TRAPPC8: variants seen among roughly 807,000 people sequenced by gnomAD.
TRAPPC8 encodes general sporulation gene 1 homolog.
In TRAPPC8, 54 loss-of-function variants were observed where a neutral mutation model predicts 174.3. The observed-to-expected ratio is 0.31, with a 90% CI of 0.25 to 0.39. The LOEUF is 0.39. TRAPPC8 is among the 10% of genes least tolerant of loss of function. TRAPPC8 has a pLI of 1.00. For synonymous variants in TRAPPC8, 630 were observed against 579.9 expected (o/e 1.09, Z -1.24); for missense variants, 1,531 against 1,699.1 (o/e 0.90, Z 1.74).
At chr18:31,867,286 A>C (rs956143184) in intron 17 of TRAPPC8, 116 bp downstream of exon 17, 5 of 844,052 alleles carry the variant, frequency 5.9e-6, no homozygotes, top group Non-Finnish European at 9.4e-6. Flanking sequence ...TAATCTTCCA[A>C]ATTTTAGTTC....
chr18:31,878,221 T>C (rs1417042415), intron 12 of TRAPPC8, among the ~76,000 whole-genome samples: 1 of 152,142 alleles, frequency 6.6e-6, no homozygotes, highest in Non-Finnish European at 1.5e-5. Flanking sequence ...GATGAGCAAC[T>C]GGTGCACCCC....
At position 31,852,610 on chromosome 18, in the gene TRAPPC8, A is replaced by G. The variant is rs1286990171; in HGVS notation, c.3487T>C (p.Cys1163Arg). Residue 1163 changes from cysteine (C) to arginine (R), a missense_variant, in exon 23 of 29, where the codon TGT becomes CGT. Physicochemically the swap from Cys to Arg is radical, Grantham distance 180. Coordinates refer to ENST00000283351, the MANE Select transcript of TRAPPC8 (RefSeq NM_014939.5). ...KGKFCFKAIR[C>R]EKEEAATQSS... Reference sequence around the variant, plus strand: ...GTGAATTTACCTTCTTCTTTCTCACATCTTATTGCCTTAAAGCAAAACTTT... The same window carrying G: ...GTGAATTTACCTTCTTCTTTCTCACGTCTTATTGCCTTAAAGCAAAACTTT... 1 of 1,614,112 alleles carries G rather than the reference A, an allele frequency of 6.2e-7. No individual in the cohort carries two copies. Among genetic ancestry groups the G allele is most frequent in the South Asian group, 1.1e-5 (1 of 91,076 alleles).
At position 31,909,714 on chromosome 18, in the gene TRAPPC8, G is replaced by T. The variant is rs758821997; in HGVS notation, c.818C>A (p.Ser273Tyr). 1.9e-6 allele frequency: 3 copies of T among 1,600,820 alleles called. No individual in the cohort carries two copies. In the Admixed American group the frequency reaches 5.3e-5, roughly 28 times the overall value. ...ATCCAATGAAAGCAAGTTATTATCA[G>T]AATTCTTATTTGAAGTTATAGTACA... The part of the protein sequence containing the change: ...GPCTITSNKN[S>Y]DNNLLSLDGL... Residue 273 changes from serine to tyrosine, a missense_variant, in exon 6 of 29, where the codon TCT becomes TAT. By Grantham distance (144) the Ser-to-Tyr change is moderately radical. Transcript: ENST00000283351.
At chr18:31,925,882 T>C (rs1468980895) in intron 2 of TRAPPC8, among the ~76,000 whole-genome samples, 1 of 152,190 alleles carries the variant, frequency 6.6e-6, no homozygotes, top group South Asian at 2.1e-4. Context: ...ATCAAGTATA[T>C]AAAATAAGAA....
intron 27 of TRAPPC8, among the ~76,000 whole-genome samples, chr18:31,834,018 A>C (rs2032550197): frequency 6.6e-6 from 1 of 151,268 alleles, no homozygotes; most frequent in Non-Finnish European, 1.5e-5. Flanking sequence ...AAAAAACAAA[A>C]AACAGAAATT....
intron 9 of TRAPPC8, among the ~76,000 whole-genome samples, chr18:31,904,313 A>T (rs138503733): frequency 6.6e-6 from 1 of 152,110 alleles, no homozygotes; most frequent in Non-Finnish European, 1.5e-5. Flanking sequence ...ATTTTGAGAG[A>T]CCGAGGTGGG....
intron 9 of TRAPPC8, among the ~76,000 whole-genome samples, chr18:31,904,385 A>T (rs572952249): frequency 3.3e-4 from 51 of 152,328 alleles, no homozygotes; most frequent in African/African-American, 1.1e-3. Flanking sequence ...CCCTGTCTCT[A>T]CTAAAAATAC....
chr18:31,888,155 G>A (rs1219184205), intron 12 of TRAPPC8, among the ~76,000 whole-genome samples: 2 of 152,036 alleles, frequency 1.3e-5, no homozygotes, highest in Non-Finnish European at 2.9e-5. Context: ...TGAAAAAAAA[G>A]AATGCTCAAC....
At chr18:31,872,821 C>T (rs1437847045) in intron 14 of TRAPPC8, among the ~76,000 whole-genome samples, 1 of 152,002 alleles carries the variant, frequency 6.6e-6, no homozygotes, top group Non-Finnish European at 1.5e-5. Flanking sequence ...ATTTTACTAA[C>T]ATTAAACGTT....
At chr18:31,912,511 G>A (rs928941130) in intron 5 of TRAPPC8, among the ~76,000 whole-genome samples, 4 of 151,602 alleles carry the variant, frequency 2.6e-5, no homozygotes, top group Non-Finnish European at 5.9e-5. Flanking sequence ...AAAATTAGCC[G>A]GGCATGGTGG....
chr18:31,923,922 G>C (rs909303356), intron 2 of TRAPPC8, among the ~76,000 whole-genome samples: 6 of 152,110 alleles, frequency 3.9e-5, no homozygotes, highest in Non-Finnish European at 5.9e-5. Context: ...CAAGGCAGGA[G>C]GATCACCTGA....
rs755600622 is a variant in TRAPPC8 at position 31,864,678 on chromosome 18, G to C, written c.2694C>G (p.Gly898=). The change falls in exon 19 of 29, where the codon GGC becomes GGG. Residue 898 remains glycine, a synonymous_variant. Transcript: ENST00000283351. The part of the protein sequence containing the change: ...TKEEKTSVKY[G]PDRRLDPIIT... ...TTATGGGATCTAAACGTCGATCAGG[G>C]CCATATTTAACAGATGTTTTCTCTT... The C allele has an allele frequency of 1.2e-6, 2 of 1,612,898 alleles. No homozygotes were observed. The highest frequency in any genetic ancestry group is 2.2e-5 in the East Asian group (1 of 44,706).
chr18:31,869,792 T>C (rs1024040247), intron 16 of TRAPPC8, among the ~76,000 whole-genome samples: 1 of 151,924 alleles, frequency 6.6e-6, no homozygotes, highest in African/African-American at 2.4e-5. Flanking sequence ...AACATACAAA[T>C]GAAAATAACT....
chr18:31,832,190 A>C lies in TRAPPC8; in HGVS notation c.3984-17T>G, dbSNP rs1309697409. Reference sequence around the variant, plus strand: ...AAACAAAGGCTATGGAAGAAAAATAAACAAAAAAGTTATATATTTTTTTCT... The same window carrying C: ...AAACAAAGGCTATGGAAGAAAAATACACAAAAAAGTTATATATTTTTTTCT... On this transcript the variant is annotated splice_polypyrimidine_tract_variant and intron_variant, in intron 27 of 28. Coordinates refer to ENST00000283351, the MANE Select transcript of TRAPPC8 (RefSeq NM_014939.5). 1.4e-6 allele frequency: 2 copies of C among 1,445,470 alleles called. No individual in the cohort carries two copies. Among genetic ancestry groups the C allele is most frequent in the Non-Finnish European group, 1.8e-6 (2 of 1,096,196 alleles). The allele number at this position is 1,445,470 out of a possible 1,614,324, so 89.5% of individuals were successfully genotyped here.
At position 31,830,763 on chromosome 18, in the gene TRAPPC8, T is replaced by C; in HGVS notation, c.4300A>G (p.Asn1434Asp). The change falls in exon 29 of 29, where the codon AAT becomes GAT. Residue 1434 changes from asparagine to aspartate, a missense_variant. Asn to Asp is a conservative substitution (Grantham distance 23). Coordinates refer to ENST00000283351, the MANE Select transcript of TRAPPC8 (RefSeq NM_014939.5). Reference protein sequence around the residue: ...NSMPALIIISNV With the variant: ...NSMPALIIISDV The stretch of plus-strand genomic sequence containing the variant: ...TACAAATTTCCAAGTTGTCACACAT[T>C]ACTGATGATGATCAGGGCAGGCATG... The C allele has an allele frequency of 6.2e-7, 1 of 1,613,092 alleles. No homozygotes were observed. The highest frequency in any genetic ancestry group is 8.5e-7 in the Non-Finnish European group (1 of 1,179,348).
chr18:31,932,911 G>C (rs2037909744), intron 1 of TRAPPC8, among the ~76,000 whole-genome samples: 1 of 150,440 alleles, frequency 6.6e-6, no homozygotes, highest in Non-Finnish European at 1.5e-5. Context: ...GAATGCGGAG[G>C]CTGCAGTGAG....
At chr18:31,847,219 A>G (rs2145021046) in intron 25 of TRAPPC8, among the ~76,000 whole-genome samples, 1 of 152,340 alleles carries the variant, frequency 6.6e-6, no homozygotes, top group African/African-American at 2.4e-5. Context: ...CACACAGCTG[A>G]GCAAAATCAG....
chr18:31,880,121 A>ATATATATAT (rs1239258266), intron 12 of TRAPPC8, among the ~76,000 whole-genome samples: 44 of 69,050 alleles, frequency 6.4e-4, no homozygotes, highest in African/African-American at 2.3e-3. Flanking sequence ...ATATATATAT[A>ATATATATAT]TTTTTTTTTT....
At chr18:31,902,312 C>G (rs1051076581) in intron 9 of TRAPPC8, among the ~76,000 whole-genome samples, 2 of 152,152 alleles carry the variant, frequency 1.3e-5, no homozygotes, top group African/African-American at 4.8e-5. Context: ...GCCTGGGCAA[C>G]AGAGTGAGAT....
Sources: gnomAD v4.1 joint callset for allele counts (sites outside exome capture counted in the v4.1 genomes callset) on GRCh38, gnomAD v4.1.1 for gene constraint, MANE v1.5 for transcripts, NCBI Gene and HGNC (gene_info 2026-07-23, HGNC 2026-07-21) for gene names.